Variants in IQGAP3 observed in about 807,000 individuals in gnomAD.
The protein encoded by IQGAP3 is ras GTPase-activating-like protein IQGAP3.
A neutral mutation model predicts 208.2 loss-of-function variants in IQGAP3; 165 were observed. The observed-to-expected ratio is 0.79, with a 90% CI of 0.70 to 0.90. The LOEUF is 0.90. Among genes scored for constraint, IQGAP3 ranks in the 40% least tolerant of loss-of-function variants. The pLI is 0.00. For missense variants in IQGAP3, 1,811 were observed against 2,043.1 expected (o/e 0.89, Z 2.19); for synonymous variants, 703 against 803.6 (o/e 0.87, Z 2.12).
At position 156,528,948 on chromosome 1, in the gene IQGAP3, C is replaced by G. The variant is rs1452710282; in HGVS notation, c.4539G>C (p.Arg1513=). 6.2e-7 allele frequency: 1 copy of G among 1,614,206 alleles called. No homozygotes were observed. The change falls in exon 35 of 38, where the codon CGG becomes CGC. Residue 1513 remains arginine (R), a synonymous_variant. Transcript: ENST00000361170. ...CGGGGGCCAGGTGGTCCAGGCAGGC[C>G]CGGATGTACTGGCTGTAGTAGTCAC... ...EQGDYYSQYI[R]ACLDHLAPDS...
rs1399022416 is a variant in IQGAP3, at chr1:156,566,929, C to T, written c.126-383G>A. On this transcript the variant is annotated intron_variant, in intron 2 of 37. Transcript: ENST00000361170. ...TTGCCCAGGCTAGAGTGCAATGGTGCGATCTTGGCTCACTGCAACCTCCGC... is the reference window on the plus strand; with the variant it reads ...TTGCCCAGGCTAGAGTGCAATGGTGTGATCTTGGCTCACTGCAACCTCCGC... 3.3e-5 allele frequency among the ~76,000 whole-genome samples: 5 copies of T among 149,458 alleles called. No homozygotes were observed. In the East Asian group the frequency reaches 7.8e-4, roughly 23 times the overall value.
chr1:156,531,343 T>C (rs1674391111), intron 32 of IQGAP3, 96 bp from the exon 33 acceptor site: 2 of 883,676 alleles, frequency 2.3e-6, no homozygotes, highest in Non-Finnish European at 3.8e-6. Flanking sequence ...TGGACCGTGC[T>C]CTATAGCATG....
Position 156,526,019 on chromosome 1 carries a change from T to G in IQGAP3, c.*467A>C, listed in dbSNP as rs556073079. 2.2e-4 allele frequency: 39 copies of G among 178,254 alleles called. No homozygotes were observed. The highest frequency in any genetic ancestry group is 4.0e-4 in the Non-Finnish European group (33 of 82,272). The allele number at this position is 178,254 out of a possible 1,614,324, so 11.0% of individuals were successfully genotyped here. On this transcript the variant is annotated 3_prime_UTR_variant, in exon 38 of 38. Transcript: ENST00000361170. Reference sequence around the variant, plus strand: ...ATCACAGCAGCAGAGCTGCCTAGACTCAGGAAGGGCAGGAACACCCACTGC... The same window carrying G: ...ATCACAGCAGCAGAGCTGCCTAGACGCAGGAAGGGCAGGAACACCCACTGC...
At chr1:156,543,528 TA>T (rs544697113) in intron 22 of IQGAP3, among the ~76,000 whole-genome samples, 167 of 152,256 alleles carry the variant, frequency 1.1e-3, no homozygotes, top group Non-Finnish European at 1.7e-3. Flanking sequence ...TTTAAAGCTT[TA>T]AATGAGCACC....
intron 26 of IQGAP3, among the ~76,000 whole-genome samples, chr1:156,538,301 C>T (rs954658571): frequency 2.6e-5 from 4 of 152,166 alleles, no homozygotes; most frequent in Admixed American, 1.3e-4. Flanking sequence ...ACCTCGTGAT[C>T]CGCCTGCCTC....
At position 156,528,516 on chromosome 1, in the gene IQGAP3, C is replaced by G; in HGVS notation, c.4666G>C (p.Ala1556Pro). The G allele has an allele frequency of 1.9e-6, 3 of 1,612,372 alleles. No individual in the cohort carries two copies. Among genetic ancestry groups the G allele is most frequent in the Non-Finnish European group, 2.5e-6 (3 of 1,178,590 alleles). Residue 1556 changes from alanine (A) to proline (P), a missense_variant, in exon 36 of 38, where the codon GCC becomes CCC. Ala to Pro is a conservative substitution (Grantham distance 27, BLOSUM62 -1). Coordinates refer to ENST00000361170, the MANE Select transcript of IQGAP3 (RefSeq NM_178229.5). ...GVLVEIEDLP[A>P]SHFRNVIFDI... ...CCCTCCAAAGACACATACTGAGAGGCGGGAAGATCTTCAATTTCCACCAAG... is the reference window on the plus strand; with the variant it reads ...CCCTCCAAAGACACATACTGAGAGGGGGGAAGATCTTCAATTTCCACCAAG...
chr1:156,551,594 C>G (rs1279284599), intron 15 of IQGAP3, 111 bp downstream of exon 15: 2 of 1,179,762 alleles, frequency 1.7e-6, no homozygotes, highest in African/African-American at 3.1e-5. Context: ...TCACCCCCAC[C>G]CAGAAGCCAT....
intron 19 of IQGAP3, 65 bp downstream of exon 19, chr1:156,548,008 G>C (rs1391871336): frequency 2.8e-6 from 4 of 1,422,074 alleles, no homozygotes; most frequent in Non-Finnish European, 3.8e-6. Context: ...AAAGGAAGCA[G>C]CGTGGATACC....
intron 1 of IQGAP3, 62 bp downstream of exon 1, chr1:156,572,431 C>G: frequency 6.5e-7 from 1 of 1,549,226 alleles, no homozygotes; most frequent in Non-Finnish European, 8.8e-7. Flanking sequence ...TCTCCCGGGA[C>G]AGCCAAGCCC....
chr1:156,538,217 C>T (rs376347603), intron 26 of IQGAP3, among the ~76,000 whole-genome samples: 4 of 152,280 alleles, frequency 2.6e-5, no homozygotes, highest in East Asian at 3.9e-4. Flanking sequence ...CCTGCCACCA[C>T]GCCCGGCTAA....
chr1:156,548,510 G>A, intron 17 of IQGAP3, 23 bp from the exon 18 acceptor site: 1 of 1,611,246 alleles, frequency 6.2e-7, no homozygotes, highest in Non-Finnish European at 8.5e-7. Flanking sequence ...CAAGCAAGCA[G>A]AAAAGGTTCA....
At chr1:156,566,952 C>T (rs185742969) in intron 2 of IQGAP3, among the ~76,000 whole-genome samples, 4 of 151,856 alleles carry the variant, frequency 2.6e-5, no homozygotes, top group East Asian at 1.9e-4. Flanking sequence ...CTGCAACCTC[C>T]GCCTCCCAGG....
chr1:156,533,643 A>G lies in IQGAP3; in HGVS notation c.3976+130T>C, dbSNP rs1225177951. On this transcript the variant is annotated intron_variant, in intron 31 of 37. Transcript: ENST00000361170. ...CTGTGCCCATGTCAGGACCAGAGGG[A>G]GAGTATGGAACTAGCCGCCTGGCAC... 15 of 679,548 alleles carry G rather than the reference A, an allele frequency of 2.2e-5. No individual in the cohort carries two copies. The Admixed American group carries it at 3.6e-4, about 16-fold the overall frequency. 42.1% of individuals were successfully genotyped at this position (679,548 alleles called of 1,614,324 possible).
chr1:156,528,986 A>G lies in IQGAP3; in HGVS notation c.4501T>C (p.Tyr1501His). 6.2e-7 allele frequency: 1 copy of G among 1,614,208 alleles called. No homozygotes were observed. The highest frequency in any genetic ancestry group is 8.5e-7 in the Non-Finnish European group (1 of 1,180,030). ...LQGLSTKTTFYEEQGDYYSQY... is the reference protein window; with the variant it reads ...LQGLSTKTTFHEEQGDYYSQY... Reference sequence around the variant, plus strand: ...CTGTAGTAGTCACCCTGCTCCTCATAGAAGGTGGTCTTAGTGCTCAGGCCC... The same window carrying G: ...CTGTAGTAGTCACCCTGCTCCTCATGGAAGGTGGTCTTAGTGCTCAGGCCC... The change falls in exon 35 of 38, where the codon TAT becomes CAT. Residue 1501 changes from tyrosine (Y) to histidine (H), a missense_variant. Transcript: ENST00000361170.
chr1:156,543,040 T>C (rs1675062631), intron 22 of IQGAP3, among the ~76,000 whole-genome samples: 2 of 150,970 alleles, frequency 1.3e-5, no homozygotes, highest in Admixed American at 1.3e-4. Context: ...CTGAGTAAAG[T>C]CTGGGGGCCA....
At chr1:156,547,376 C>T (rs1395571210) in intron 19 of IQGAP3, among the ~76,000 whole-genome samples, 1 of 103,754 alleles carries the variant, frequency 9.6e-6, no homozygotes, top group Non-Finnish European at 1.9e-5. Context: ...GACACACAGA[C>T]ACAGACACAC....
At position 156,566,572 on chromosome 1, in the gene IQGAP3, C is replaced by T. The variant is rs373864766; in HGVS notation, c.126-26G>A. ...CTATGAACATGAGAACACCTTCTCA[C>T]GCACTCTGGCAGACCACAGTGATTT... On this transcript the variant is annotated intron_variant, in intron 2 of 37. Coordinates refer to ENST00000361170, the MANE Select transcript of IQGAP3 (RefSeq NM_178229.5). 45 of 1,610,030 alleles carry T rather than the reference C, an allele frequency of 2.8e-5. No homozygotes were observed. The African/African-American group carries it at 4.1e-4, about 15-fold the overall frequency.
chr1:156,552,728 C>T (rs1675614225), intron 13 of IQGAP3, among the ~76,000 whole-genome samples: 1 of 152,190 alleles, frequency 6.6e-6, no homozygotes, highest in Non-Finnish European at 1.5e-5. Flanking sequence ...CCTGCTTTCC[C>T]CTTGTACTCC....
chr1:156,538,324 T>A (rs886128145), intron 26 of IQGAP3, among the ~76,000 whole-genome samples: 2 of 152,134 alleles, frequency 1.3e-5, no homozygotes, highest in African/African-American at 4.8e-5. Flanking sequence ...TCTCCCAAAG[T>A]GCTGGGATTA....
Sources: allele counts gnomAD v4.1 joint callset (sites outside exome capture counted in the v4.1 genomes callset), GRCh38; gene constraint gnomAD v4.1.1; transcripts MANE v1.5; gene names NCBI Gene and HGNC (gene_info 2026-07-23, HGNC 2026-07-21).